LOC400499: variants seen among roughly 807,000 people sequenced by gnomAD.
chr16:11,485,067 G>A, the LOC400499 span: 1 of 398,992 alleles, frequency 2.5e-6, no homozygotes, highest in East Asian at 3.6e-5. Flanking sequence ...TCCAGCCGGA[G>A]CCCAAGCTGG....
chr16:11,449,129 G>A, the LOC400499 span: 1 of 1,413,942 alleles, frequency 7.1e-7, no homozygotes, highest in Non-Finnish European at 9.4e-7. Flanking sequence ...TGAGGAGGGG[G>A]ACCAAGGCCT....
chr16:11,431,350 G>T, the LOC400499 span: 2 of 397,770 alleles, frequency 5.0e-6, no homozygotes, highest in Admixed American at 4.4e-5. Context: ...ACCTCTCTGG[G>T]CATCAGTTTC....
At chr16:11,469,822 C>T in the LOC400499 span, among the ~76,000 whole-genome samples, 4 of 152,212 alleles carry the variant, frequency 2.6e-5, no homozygotes, top group Non-Finnish European at 5.9e-5. Context: ...GGACCATGTC[C>T]ACAGGGTCGC....
the LOC400499 span, among the ~76,000 whole-genome samples, chr16:11,432,839 G>C: frequency 3.9e-5 from 6 of 152,162 alleles, no homozygotes; most frequent in Non-Finnish European, 8.8e-5. Flanking sequence ...CCTTTGCATT[G>C]GCTGCTAGGA....
At chr16:11,417,487 C>A in the LOC400499 span, 1 of 397,382 alleles carries the variant, frequency 2.5e-6, no homozygotes, top group African/African-American at 2.1e-5. Context: ...CATTGACGGG[C>A]AAGGCTGTCT....
the LOC400499 span, among the ~76,000 whole-genome samples, chr16:11,468,298 A>G: frequency 2.0e-5 from 3 of 152,148 alleles, no homozygotes; most frequent in Non-Finnish European, 4.4e-5. Flanking sequence ...GGCATGCTTT[A>G]ACTTACAAGT....
the LOC400499 span, among the ~76,000 whole-genome samples, chr16:11,375,313 C>T: frequency 2.0e-4 from 21 of 104,356 alleles, 2 homozygotes; most frequent in Non-Finnish European, 3.9e-4. Context: ...CCTCCATGTA[C>T]TTTTTTTTTT....
At chr16:11,398,531 G>A in the LOC400499 span, 1 of 1,231,818 alleles carries the variant, frequency 8.1e-7, no homozygotes, top group Non-Finnish European at 1.0e-6. Context: ...GGGCCTATGG[G>A]TCAGGGGCTC....
chr16:11,397,965 A>G, the LOC400499 span, among the ~76,000 whole-genome samples: 1 of 152,134 alleles, frequency 6.6e-6, no homozygotes, highest in Non-Finnish European at 1.5e-5. Context: ...TGGAAGAACC[A>G]ATCAACCAGC....
At chr16:11,450,757 T>G in the LOC400499 span, 4 of 1,536,132 alleles carry the variant, frequency 2.6e-6, no homozygotes, top group Non-Finnish European at 3.5e-6. Flanking sequence ...CACAGCTCGG[T>G]GTGGCCAGTA....
chr16:11,377,632 C>G, the LOC400499 span, among the ~76,000 whole-genome samples: 1 of 152,208 alleles, frequency 6.6e-6, no homozygotes, highest in Admixed American at 6.5e-5. Flanking sequence ...TGGTAACCAT[C>G]TTTGCATTCC....
the LOC400499 span, chr16:11,450,882 G>T: frequency 1.4e-6 from 2 of 1,445,040 alleles, no homozygotes; most frequent in Non-Finnish European, 1.9e-6. Flanking sequence ...CTAGCAGGCA[G>T]CTGGAGGTCC....
chr16:11,403,822 C>G, the LOC400499 span, among the ~76,000 whole-genome samples: 1 of 147,084 alleles, frequency 6.8e-6, no homozygotes, highest in Non-Finnish European at 1.6e-5. Context: ...CGGCACTCAG[C>G]TCCCCTGGCA....
the LOC400499 span, among the ~76,000 whole-genome samples, chr16:11,378,686 T>C: frequency 1.3e-5 from 2 of 152,360 alleles, no homozygotes; most frequent in Admixed American, 6.5e-5. Context: ...TTATTTTCTT[T>C]CTTTGATCCA....
At chr16:11,473,109 C>T in the LOC400499 span, 2 of 116,198 alleles carry the variant, frequency 1.7e-5, no homozygotes, top group African/African-American at 6.7e-5. Context: ...GAGGGACACG[C>T]TATCTCAAAA....
chr16:11,384,192 G>A, the LOC400499 span: 1 of 1,225,010 alleles, frequency 8.2e-7, no homozygotes, highest in East Asian at 3.2e-5. Context: ...GCTGGAAGCA[G>A]GACAGGCAGG....
chr16:11,458,337 C>G, the LOC400499 span, among the ~76,000 whole-genome samples: 2 of 151,866 alleles, frequency 1.3e-5, no homozygotes, highest in African/African-American at 2.4e-5. Context: ...CAGGCTGAGA[C>G]TCCATCTCAA....
the LOC400499 span, chr16:11,384,962 C>A: frequency 1.6e-6 from 2 of 1,232,230 alleles, no homozygotes; most frequent in East Asian, 6.3e-5. Context: ...CCCGTCCTCG[C>A]TGGCCAGCTC....
chr16:11,488,141 C>T, the LOC400499 span, among the ~76,000 whole-genome samples: 3 of 151,066 alleles, frequency 2.0e-5, no homozygotes, highest in African/African-American at 4.9e-5. Context: ...ATCAGTGTTT[C>T]GTTACCCGCC....
Sources: gnomAD v4.1 joint callset for allele counts (sites outside exome capture counted in the v4.1 genomes callset) on GRCh38, gnomAD v4.1.1 for gene constraint, MANE v1.5 for transcripts.